The following ZFPM2 variants were observed in gnomAD, a reference collection of about 807,000 sequenced individuals.
ZFPM2 encodes the protein zinc finger protein, FOG family member 2, also known as zinc finger protein ZFPM2.
A neutral mutation model predicts 98.6 loss-of-function variants in ZFPM2; 20 were observed. The ratio of observed to expected loss-of-function variants is 0.20; its 90% CI spans 0.14 to 0.29. The LOEUF (loss-of-function observed/expected upper bound fraction) is 0.29, where lower values mean the gene tolerates loss of function less well. ZFPM2 is among the 10% of genes least tolerant of loss of function. The probability of loss-of-function intolerance (pLI) is 1.00; values close to 1 mark genes in which losing one functional copy is unlikely to be tolerated. For missense variants in ZFPM2, 1,310 were observed against 1,388.6 expected, an observed-to-expected ratio of 0.94 and a Z score of 0.90; for synonymous variants, 518 against 502.7, an observed-to-expected ratio of 1.03 and a Z score of -0.41.
chr8:105,427,428 T>C (rs1389679611), intron 2 of ZFPM2, among the ~76,000 whole-genome samples: 1 of 152,226 alleles, frequency 6.6e-6, no homozygotes, highest in Admixed American at 6.5e-5. Flanking sequence ...TTCTGTGAGC[T>C]GGCCAACAGA....
intron 1 of ZFPM2, among the ~76,000 whole-genome samples, chr8:105,395,874 G>A (rs191712974): frequency 7.9e-5 from 12 of 152,220 alleles, no homozygotes; most frequent in East Asian, 3.9e-4. Context: ...AGGAATGTCC[G>A]CCTTCTACTC....
chr8:105,394,107 A>T (rs1450493877), intron 1 of ZFPM2, among the ~76,000 whole-genome samples: 1 of 151,992 alleles, frequency 6.6e-6, no homozygotes, highest in Non-Finnish European at 1.5e-5. Flanking sequence ...GTTAGCCAGG[A>T]TGGTCTCTAT....
chr8:105,351,005 A>G (rs921619060), intron 1 of ZFPM2, among the ~76,000 whole-genome samples: 2 of 152,030 alleles, frequency 1.3e-5, no homozygotes, highest in Admixed American at 1.3e-4. Flanking sequence ...CAACATGGTG[A>G]AACCCCATCT....
At chr8:105,332,600 A>G (rs1156351346) in intron 1 of ZFPM2, among the ~76,000 whole-genome samples, 1 of 151,660 alleles carries the variant, frequency 6.6e-6, no homozygotes, top group Non-Finnish European at 1.5e-5. Flanking sequence ...GGATGGGGCA[A>G]ATACAGACCA....
chr8:105,636,019 T>G (rs1205126684), intron 5 of ZFPM2, among the ~76,000 whole-genome samples: 1 of 152,146 alleles, frequency 6.6e-6, no homozygotes, highest in African/African-American at 2.4e-5. Context: ...TAAACACAAA[T>G]TATACATAAC....
intron 5 of ZFPM2, among the ~76,000 whole-genome samples, chr8:105,706,612 C>T (rs1278357265): frequency 6.6e-6 from 1 of 152,020 alleles, no homozygotes; most frequent in African/African-American, 2.4e-5. Flanking sequence ...AATAGAGTCT[C>T]ACTGTCACTC....
At position 105,447,033 on chromosome 8, in the gene ZFPM2, A is replaced by T. The variant is rs563771130; in HGVS notation, c.301+2652A>T. The stretch of plus-strand genomic sequence containing the variant: ...AATAGTATTGGCATTTTCCAACTGT[A>T]GTCAGAGAGAAAATTGTGCAACTTT... On this transcript the variant is annotated intron_variant, in intron 3 of 7. Transcript: ENST00000407775. Among the ~76,000 whole-genome samples, 5 of 152,238 alleles carry T rather than the reference A, an allele frequency of 3.3e-5. No individual in the cohort carries two copies. In the South Asian group the frequency reaches 6.2e-4, roughly 19 times the overall value.
intron 6 of ZFPM2, among the ~76,000 whole-genome samples, chr8:105,790,255 T>C (rs1302615117): frequency 1.3e-5 from 2 of 150,930 alleles, no homozygotes; most frequent in Non-Finnish European, 3.0e-5. Context: ...CTTGAATTGA[T>C]TTTTGTATAA....
chr8:105,677,821 C>T (rs1810506051), intron 5 of ZFPM2, among the ~76,000 whole-genome samples: 1 of 152,052 alleles, frequency 6.6e-6, no homozygotes, highest in Admixed American at 6.6e-5. Flanking sequence ...GGAAGCTTTC[C>T]AAATTTTAAC....
intron 4 of ZFPM2, among the ~76,000 whole-genome samples, chr8:105,611,699 A>AT (rs1312842949): frequency 4.0e-5 from 6 of 150,158 alleles, no homozygotes; most frequent in Middle Eastern, 6.9e-3. Flanking sequence ...AACAAAAAAA[A>AT]ATTTTTTTTT....
intron 1 of ZFPM2, among the ~76,000 whole-genome samples, chr8:105,388,179 A>G (rs966817058): frequency 6.6e-6 from 1 of 152,246 alleles, no homozygotes; most frequent in East Asian, 1.9e-4. Context: ...ATGCCAAAAT[A>G]TGCAAACACA....
At chr8:105,587,134 G>A (rs865875717) in intron 4 of ZFPM2, among the ~76,000 whole-genome samples, 9 of 151,498 alleles carry the variant, frequency 5.9e-5, no homozygotes, top group East Asian at 5.9e-4. Flanking sequence ...AAAATTAACC[G>A]GGCGTGGTGG....
At chr8:105,517,017 C>T (rs1383611346) in intron 3 of ZFPM2, among the ~76,000 whole-genome samples, 1 of 152,136 alleles carries the variant, frequency 6.6e-6, no homozygotes, top group Non-Finnish European at 1.5e-5. Context: ...TTCTATTCAT[C>T]GTCTGAGTAA....
chr8:105,358,006 T>C (rs1260224642), intron 1 of ZFPM2, among the ~76,000 whole-genome samples: 1 of 152,240 alleles, frequency 6.6e-6, no homozygotes, highest in Non-Finnish European at 1.5e-5. Flanking sequence ...AGCAAAGAGC[T>C]TTAGGTTATA....
chr8:105,369,420 A>T (rs1175414255), intron 1 of ZFPM2, among the ~76,000 whole-genome samples: 1 of 152,124 alleles, frequency 6.6e-6, no homozygotes, highest in Non-Finnish European at 1.5e-5. Context: ...TAACTTGGGT[A>T]ATACTATGGT....
chr8:105,509,080 A>G (rs964622392), intron 3 of ZFPM2, among the ~76,000 whole-genome samples: 2 of 152,198 alleles, frequency 1.3e-5, no homozygotes, highest in Admixed American at 1.3e-4. Flanking sequence ...GCCTATATAT[A>G]GCAGCAACAA....
chr8:105,422,103 G>A (rs1811806436), intron 2 of ZFPM2, among the ~76,000 whole-genome samples: 1 of 148,964 alleles, frequency 6.7e-6, no homozygotes, highest in South Asian at 2.1e-4. Flanking sequence ...CAATGCCAGT[G>A]TCATTACTGG....
intron 4 of ZFPM2, among the ~76,000 whole-genome samples, chr8:105,563,888 C>G (rs1047324303): frequency 2.6e-5 from 4 of 152,060 alleles, no homozygotes; most frequent in African/African-American, 9.7e-5. Flanking sequence ...AGTTGACATG[C>G]AAGATGAACA....
intron 3 of ZFPM2, among the ~76,000 whole-genome samples, chr8:105,503,625 T>G (rs1813639780): frequency 6.6e-6 from 1 of 152,178 alleles, no homozygotes; most frequent in African/African-American, 2.4e-5. Context: ...GTGATATTAT[T>G]AATGAACTAA....
Sources: allele counts gnomAD v4.1 joint callset (sites outside exome capture counted in the v4.1 genomes callset), GRCh38; gene constraint gnomAD v4.1.1; transcripts MANE v1.5; gene names NCBI Gene and HGNC (gene_info 2026-07-23, HGNC 2026-07-21).